Variants in USP30 observed in about 807,000 individuals in gnomAD.
The protein encoded by USP30 is ubiquitin carboxyl-terminal hydrolase 30.
A neutral mutation model predicts 68.2 loss-of-function variants in USP30; 41 were observed. The ratio of observed to expected loss-of-function variants is 0.60; its 90% CI spans 0.47 to 0.78. USP30 has a LOEUF of 0.78. Among genes scored for constraint, USP30 ranks in the 30% least tolerant of loss-of-function variants. The pLI, the probability that USP30 is intolerant of heterozygous loss-of-function variation, is 0.00. For missense variants in USP30, 522 were observed against 649.4 expected, an observed-to-expected ratio of 0.80 and a Z score of 2.13; for synonymous variants, 229 against 253.7, an observed-to-expected ratio of 0.90 and a Z score of 0.93.
At chr12:109,033,720 T>A (rs1352662474) in intron 3 of USP30, among the ~76,000 whole-genome samples, 1 of 152,198 alleles carries the variant, frequency 6.6e-6, no homozygotes, top group Admixed American at 6.5e-5. Flanking sequence ...CACTCCCAGA[T>A]CCCTGGCACT....
At chr12:109,041,280 AG>A (rs202039421) in intron 3 of USP30, among the ~76,000 whole-genome samples, 2,816 of 152,306 alleles carry the variant, frequency 0.018, 41 homozygotes, top group Middle Eastern at 0.065. Flanking sequence ...AACAAATAGG[AG>A]GAAACATGCA....
chr12:109,073,364 A>G (rs2041503646), intron 6 of USP30, 74 bp from the exon 7 acceptor site: 2 of 1,041,458 alleles, frequency 1.9e-6, no homozygotes, highest in South Asian at 1.3e-5. Flanking sequence ...ACCACATGCT[A>G]GAAAGGAAGA....
intron 1 of USP30, among the ~76,000 whole-genome samples, chr12:109,055,522 C>T (rs184452336): frequency 2.2e-3 from 325 of 146,090 alleles, no homozygotes; most frequent in Middle Eastern, 7.0e-3. Flanking sequence ...GCCTCGGCCT[C>T]CAGAGTAGCT....
At chr12:109,031,825 G>C (rs763311544) in intron 3 of USP30, among the ~76,000 whole-genome samples, 2 of 152,252 alleles carry the variant, frequency 1.3e-5, no homozygotes, top group Non-Finnish European at 2.9e-5. Flanking sequence ...AGGTAGAGAC[G>C]AGGTGTGATT....
rs1047638490 is a variant in USP30, at chr12:109,055,359, TAC to T, written c.84-1313_84-1312del. Among the ~76,000 whole-genome samples, 85 of 125,136 alleles carry T rather than the reference TAC, an allele frequency of 6.8e-4. 6 individuals are homozygous for T. The highest frequency in any genetic ancestry group is 1.2e-3 in the Admixed American group (12 of 10,002). 82.1% of individuals were successfully genotyped at this position (125,136 alleles called of 152,430 possible). ...ATTCAATAAATATTTTATATATATA[TAC>T]ACACACACATATATATACATATATA... On this transcript the variant is annotated intron_variant, in intron 1 of 12. Transcript: ENST00000257548.
chr12:109,029,708 T>C (rs2040467875), intron 3 of USP30, among the ~76,000 whole-genome samples: 1 of 152,084 alleles, frequency 6.6e-6, no homozygotes, highest in Non-Finnish European at 1.5e-5. Context: ...ATGCATGAGG[T>C]TAGAAAGGGA....
chr12:109,081,924 A>T lies in USP30; in HGVS notation c.781-9A>T. ...GAATTGTAGTAATTTTCTTCTTCTC[A>T]TGCTGTAGGGTCACCCATTGACCCT... On this transcript the variant is annotated splice_polypyrimidine_tract_variant and intron_variant, in intron 8 of 12. Coordinates refer to ENST00000257548, the MANE Select transcript of USP30 (RefSeq NM_032663.5). The T allele has an allele frequency of 6.2e-7, 1 of 1,613,826 alleles. No individual in the cohort carries two copies. Among genetic ancestry groups the T allele is most frequent in the Non-Finnish European group, 8.5e-7 (1 of 1,179,688 alleles).
rs561186545 is a variant in USP30, at chr12:109,071,344, C to T, written c.481-268C>T. On this transcript the variant is annotated intron_variant, in intron 4 of 12. Coordinates refer to ENST00000257548, the MANE Select transcript of USP30 (RefSeq NM_032663.5). Reference sequence around the variant, plus strand: ...ATCGGAGTGGAGGTCAAGGCTGTCTCAGTGAAACAGAATGGTCTCATAGAC... The same window carrying T: ...ATCGGAGTGGAGGTCAAGGCTGTCTTAGTGAAACAGAATGGTCTCATAGAC... Among the ~76,000 whole-genome samples the T allele has an allele frequency of 9.8e-5, 15 of 152,320 alleles. 1 individual carries two copies. In the South Asian group the frequency reaches 3.1e-3, roughly 32 times the overall value.
upstream of USP30, among the ~76,000 whole-genome samples, chr12:109,049,972 C>T (rs372704137): frequency 5.9e-5 from 9 of 152,096 alleles, no homozygotes; most frequent in East Asian, 1.4e-3. Context: ...GCAGTATCTT[C>T]GAAGCACAAT....
chr12:109,083,965 T>C (rs2041877408), intron 11 of USP30, among the ~76,000 whole-genome samples: 2 of 152,188 alleles, frequency 1.3e-5, no homozygotes, highest in African/African-American at 4.8e-5. Context: ...GTTCAGTCCT[T>C]GGCCCTGGTT....
intron 3 of USP30, among the ~76,000 whole-genome samples, chr12:109,064,214 A>G (rs370505505): frequency 1.3e-5 from 2 of 152,168 alleles, no homozygotes; most frequent in South Asian, 4.1e-4. Context: ...TTCTGAGTTC[A>G]TATATTCTGG....
chr12:109,067,766 C>A, intron 4 of USP30, 139 bp downstream of exon 4: 1 of 664,892 alleles, frequency 1.5e-6, no homozygotes, highest in Non-Finnish European at 2.6e-6. Flanking sequence ...ACCAGAGTAC[C>A]AACTTTGTTC....
intron 3 of USP30, among the ~76,000 whole-genome samples, chr12:109,058,568 G>A (rs146810437): frequency 1.9e-3 from 140 of 72,254 alleles, no homozygotes; most frequent in African/African-American, 6.5e-3. Flanking sequence ...GCGAAACTCC[G>A]TCTCAAAAAA....
chr12:109,039,902 C>T (rs541190521), intron 3 of USP30, among the ~76,000 whole-genome samples: 226 of 152,300 alleles, frequency 1.5e-3, no homozygotes, highest in Non-Finnish European at 2.9e-3. Context: ...AACCACCACA[C>T]CTGGCCAGCC....
chr12:109,077,873 A>T (rs1050221471), intron 7 of USP30, among the ~76,000 whole-genome samples: 1 of 151,870 alleles, frequency 6.6e-6, no homozygotes. Context: ...GTTTTACCTT[A>T]TCACATTCTA....
At chr12:109,068,259 A>G (rs1255094761) in intron 4 of USP30, among the ~76,000 whole-genome samples, 1 of 152,216 alleles carries the variant, frequency 6.6e-6, no homozygotes, top group East Asian at 1.9e-4. Context: ...ATACAGGTGC[A>G]TCCTCCACAG....
chr12:109,074,871 C>T (rs767190070), intron 7 of USP30, among the ~76,000 whole-genome samples: 1 of 152,196 alleles, frequency 6.6e-6, no homozygotes, highest in African/African-American at 2.4e-5. Flanking sequence ...CTTTGAGCAA[C>T]ATCTCCCCAC....
chr12:109,087,103 T>C lies in USP30; in HGVS notation c.*1172T>C, dbSNP rs2135849208. 6.6e-6 allele frequency: 1 copy of C among 152,208 alleles called. No homozygotes were observed. Among genetic ancestry groups the C allele is most frequent in the Non-Finnish European group, 1.5e-5 (1 of 68,022 alleles). 9.4% of individuals were successfully genotyped at this position (152,208 alleles called of 1,614,324 possible). On this transcript the variant is annotated 3_prime_UTR_variant, in exon 13 of 13. Transcript: ENST00000257548. Reference sequence around the variant, plus strand: ...ATTTCCAATAGCCTAATACAAAAAGTATATATTGAGCACTTTCTTCCCTTT... The same window carrying C: ...ATTTCCAATAGCCTAATACAAAAAGCATATATTGAGCACTTTCTTCCCTTT...
intron 2 of USP30, among the ~76,000 whole-genome samples, chr12:109,057,157 A>G (rs1036917631): frequency 2.6e-5 from 4 of 152,158 alleles, no homozygotes; most frequent in African/African-American, 9.7e-5. Flanking sequence ...GTAACTGGTA[A>G]AAATTTCAAG....
Sources: allele counts gnomAD v4.1 joint callset (sites outside exome capture counted in the v4.1 genomes callset), GRCh38; gene constraint gnomAD v4.1.1; transcripts MANE v1.5; gene names NCBI Gene and HGNC (gene_info 2026-07-23, HGNC 2026-07-21).